HIPK4: variants seen among roughly 807,000 people sequenced by gnomAD.
The protein encoded by HIPK4 is homeodomain-interacting protein kinase 4.
Under a neutral mutation model 44.8 loss-of-function variants are expected in HIPK4, and 26 were observed. The ratio of observed to expected loss-of-function variants is 0.58; its 90% CI spans 0.43 to 0.80. The LOEUF is 0.80. Ranked by LOEUF, HIPK4 falls within the 30% of genes least tolerant of loss-of-function variation. The pLI is 0.00. For missense variants in HIPK4, 729 were observed against 862.6 expected (o/e 0.85, Z 1.94); for synonymous variants, 340 against 355.5 (o/e 0.96, Z 0.49).
At position 40,390,093 on chromosome 19, in the gene HIPK4, T is replaced by C. The variant is rs1280694683; in HGVS notation, c.-191A>G. 6.2e-5 allele frequency: 37 copies of C among 595,878 alleles called. No individual in the cohort carries two copies. Among genetic ancestry groups the C allele is most frequent in the Non-Finnish European group, 1.0e-4 (34 of 335,396 alleles). The allele number at this position is 595,878 out of a possible 1,614,324, so 36.9% of individuals were successfully genotyped here. On this transcript the variant is annotated 5_prime_UTR_variant, in exon 1 of 4. Transcript: ENST00000291823. ...AAACCCCCAGGCCACACTGTCAGTC[T>C]GCCAGGGGCTGCACCCCTCCCCAGA...
Position 40,383,832 on chromosome 19 carries a change from G to A in HIPK4, c.773C>T (p.Ala258Val), listed in dbSNP as rs1171426008. 7 of 1,613,820 alleles carry A rather than the reference G, an allele frequency of 4.3e-6. No individual in the cohort carries two copies. In the South Asian group the frequency reaches 6.6e-5, roughly 15 times the overall value. Reference protein sequence around the residue: ...FFKRNPHPDAANPWQLKSSAD... With the variant: ...FFKRNPHPDAVNPWQLKSSAD... Reference sequence around the variant, plus strand: ...CGAGGACTTGAGCTGCCAGGGGTTGGCAGCGTCAGGGTGGGGGTTGCGCTT... The same window carrying A: ...CGAGGACTTGAGCTGCCAGGGGTTGACAGCGTCAGGGTGGGGGTTGCGCTT... The change falls in exon 2 of 4, where the codon GCC becomes GTC. Residue 258 changes from alanine (A) to valine (V), a missense_variant. By Grantham distance (64) the Ala-to-Val change is moderately conservative. Transcript: ENST00000291823.
At chr19:40,387,394 A>G (rs1185358492) in intron 1 of HIPK4, among the ~76,000 whole-genome samples, 1 of 152,180 alleles carries the variant, frequency 6.6e-6, no homozygotes, top group Non-Finnish European at 1.5e-5. Context: ...CGAATGGCCG[A>G]AAGCCTTTGT....
Position 40,383,931 on chromosome 19 carries a change from C to T in HIPK4, c.674G>A (p.Arg225His), listed in dbSNP as rs767437240. 1.5e-5 allele frequency: 25 copies of T among 1,613,984 alleles called. No homozygotes were observed. The Admixed American group carries it at 2.5e-4, about 16-fold the overall frequency. Residue 225 changes from arginine to histidine, a missense_variant, in exon 2 of 4, where the codon CGC (arginine) becomes CAC (histidine). Physicochemically the swap from Arg to His is conservative, Grantham distance 29. Coordinates refer to ENST00000291823, the MANE Select transcript of HIPK4 (RefSeq NM_144685.5). ...CAGGCCCTGGGTTTCGCAGATGTAG[C>T]GCACCTGGTCGTACTCGTTGTTGCC... The part of the protein sequence containing the change: ...YPGNNEYDQV[R>H]YICETQGLPK...
At position 40,379,518 on chromosome 19, in the gene HIPK4, G is replaced by C. The variant is rs746957468; in HGVS notation, c.*69C>G. The C allele has an allele frequency of 3.9e-6, 5 of 1,293,078 alleles. No homozygotes were observed. The highest frequency in any genetic ancestry group is 5.2e-6 in the Non-Finnish European group (5 of 963,484). The allele number at this position is 1,293,078 out of a possible 1,614,324, so 80.1% of individuals were successfully genotyped here. A position where few individuals can be genotyped will look rare whatever the true frequency, so the allele number is the denominator to read the frequency against. Reference sequence around the variant, plus strand: ...GTTCAGGAGATGGCTCTGAGGAGCAGTTCAGGTTGGGAGGGAATGCCAGCC... The same window carrying C: ...GTTCAGGAGATGGCTCTGAGGAGCACTTCAGGTTGGGAGGGAATGCCAGCC... On this transcript the variant is annotated 3_prime_UTR_variant, in exon 4 of 4. Coordinates refer to ENST00000291823, the MANE Select transcript of HIPK4 (RefSeq NM_144685.5).
At chr19:40,387,381 T>C (rs2079368055) in intron 1 of HIPK4, among the ~76,000 whole-genome samples, 1 of 152,162 alleles carries the variant, frequency 6.6e-6, no homozygotes, top group South Asian at 2.1e-4. Flanking sequence ...GGAACCAACA[T>C]TGCGAATGGC....
In HIPK4 at chr19:40,380,720, C is replaced by T; in HGVS notation, c.1271G>A (p.Arg424Lys). 6.2e-7 allele frequency: 1 copy of T among 1,614,160 alleles called. No individual in the cohort carries two copies. Among genetic ancestry groups the T allele is most frequent in the Non-Finnish European group, 8.5e-7 (1 of 1,179,970 alleles). The change falls in exon 3 of 4, where the codon AGA (arginine) becomes AAA (lysine). Residue 424 changes from arginine to lysine, a missense_variant. By Grantham distance (26) the Arg-to-Lys change is conservative. Around this residue, in one of 2 missense-constraint regions of HIPK4, gnomAD observed 533 missense variants for 567.5 expected, o/e 0.94. Coordinates refer to ENST00000291823, the MANE Select transcript of HIPK4 (RefSeq NM_144685.5). This position sits in a 1 kb window ranked among gnomAD's most constrained non-coding sequence, Gnocchi z 4.2. Reference protein sequence around the residue: ...FREEKAPGMQRAIDQLDDLSL... With the variant: ...FREEKAPGMQKAIDQLDDLSL... ...CAGGTCATCCAGCTGGTCGATGGCT[C>T]TTTGCATACCTGGTGCCTTCTCCTC...
Position 40,380,848 on chromosome 19 carries a change from C to A in HIPK4, c.1143G>T (p.Thr381=). 6.2e-7 allele frequency: 1 copy of A among 1,609,184 alleles called. No homozygotes were observed. Among genetic ancestry groups the A allele is most frequent in the Non-Finnish European group, 8.5e-7 (1 of 1,175,944 alleles). ...LSLQVEGKPP[T]PVVAAEDGTP... is the part of the protein sequence containing the mutation. ...TCCCATCTTCTGCGGCCACGACGGG[C>A]GTGGGGGGCTTCCCCTCCACTTGCA... Residue 381 remains threonine, a synonymous_variant, in exon 3 of 4, where the codon ACG becomes ACT. Transcript: ENST00000291823. The surrounding 1 kb of genome is among the most constrained non-coding windows in gnomAD (Gnocchi z 4.2).
At chr19:40,381,698 GC>G (rs1206556288) in intron 2 of HIPK4, among the ~76,000 whole-genome samples, 1 of 150,516 alleles carries the variant, frequency 6.6e-6, no homozygotes, top group Non-Finnish European at 1.5e-5. Context: ...GGCTCTTGCT[GC>G]ACAGATGGGA....
intron 1 of HIPK4, among the ~76,000 whole-genome samples, chr19:40,387,419 C>T (rs1388291076): frequency 6.6e-6 from 1 of 152,190 alleles, no homozygotes; most frequent in East Asian, 1.9e-4. Flanking sequence ...CCCCATGCCT[C>T]TGGTGGAGCT....
At chr19:40,383,613 G>T (rs1048181868) in intron 2 of HIPK4, among the ~76,000 whole-genome samples, 170 bp downstream of exon 2, 1 of 151,496 alleles carries the variant, frequency 6.6e-6, no homozygotes. Context: ...ATAAAGAGGA[G>T]GTCTCACTAT....
In HIPK4 at chr19:40,389,768, G is replaced by A. The variant is rs536497388; in HGVS notation, c.135C>T (p.Asp45=). ...EMVAIKILKN[D]AYRNRIIKNE... is the part of the protein sequence containing the mutation. ...TCTTGATGATGCGGTTGCGGTAGGC[G>A]TCATTCTTGAGGATCTTGATGGCCA... is the stretch of plus-strand genomic sequence containing the variant. The change falls in exon 1 of 4, where the codon GAC becomes GAT. Residue 45 remains aspartate (D), a synonymous_variant. Coordinates refer to ENST00000291823, the MANE Select transcript of HIPK4 (RefSeq NM_144685.5). This position sits in a 1 kb window ranked among gnomAD's most constrained non-coding sequence, Gnocchi z 4.6. The A allele has an allele frequency of 8.7e-6, 14 of 1,614,180 alleles. No homozygotes were observed. Among genetic ancestry groups the A allele is most frequent in the African/African-American group, 5.3e-5 (4 of 75,054 alleles).
intron 2 of HIPK4, among the ~76,000 whole-genome samples, chr19:40,381,981 T>C (rs765631034): frequency 6.6e-6 from 1 of 151,786 alleles, no homozygotes; most frequent in Admixed American, 6.6e-5. Context: ...AATTTTTGTA[T>C]TTTTAGTAGA....
chr19:40,389,381 A>T lies in HIPK4; in HGVS notation c.465+57T>A. On this transcript the variant is annotated intron_variant, in intron 1 of 3. Transcript: ENST00000291823. The surrounding 1 kb of genome is among the most constrained non-coding windows in gnomAD (Gnocchi z 4.6). ...AAAAAAAAAATCTAGGGCTGGAAGA[A>T]GCTGGGAAAAAGACAAGGAACTAGG... The T allele has an allele frequency of 1.1e-6, 1 of 902,354 alleles. No homozygotes were observed. The highest frequency in any genetic ancestry group is 1.5e-6 in the Non-Finnish European group (1 of 650,854). 55.9% of individuals were successfully genotyped at this position (902,354 alleles called of 1,614,324 possible).
chr19:40,380,803 A>G lies in HIPK4; in HGVS notation c.1188T>C (p.Ala396=). The G allele has an allele frequency of 6.2e-7, 1 of 1,613,844 alleles. No individual in the cohort carries two copies. The highest frequency in any genetic ancestry group is 8.5e-7 in the Non-Finnish European group (1 of 1,179,904). The change falls in exon 3 of 4, where the codon GCT becomes GCC. Residue 396 remains alanine (A), a synonymous_variant. Transcript: ENST00000291823. This position sits in a 1 kb window ranked among gnomAD's most constrained non-coding sequence, Gnocchi z 4.2. ...AEDGTPYYCL[A]EEKEAAGMGS... Reference sequence around the variant, plus strand: ...CCATACCCGCAGCCTCCTTCTCCTCAGCCAGACAGTAGTAGGGGGTCCCAT... The same window carrying G: ...CCATACCCGCAGCCTCCTTCTCCTCGGCCAGACAGTAGTAGGGGGTCCCAT...
chr19:40,387,420 T>TG (rs1301963237), intron 1 of HIPK4, among the ~76,000 whole-genome samples: 1 of 152,194 alleles, frequency 6.6e-6, no homozygotes, highest in East Asian at 1.9e-4. Context: ...CCCATGCCTC[T>TG]GGTGGAGCTG....
At chr19:40,386,322 G>A (rs546272234) in intron 1 of HIPK4, among the ~76,000 whole-genome samples, 1 of 152,272 alleles carries the variant, frequency 6.6e-6, no homozygotes, top group African/African-American at 2.4e-5. Context: ...CTCCCAAAGT[G>A]TTGGGATTAC....
rs1246193819 is a variant in HIPK4 at position 40,389,034 on chromosome 19, TA to T, written c.465+403del. Among the ~76,000 whole-genome samples the T allele has an allele frequency of 1.3e-5, 2 of 151,810 alleles. No homozygotes were observed. Among genetic ancestry groups the T allele is most frequent in the Non-Finnish European group, 2.9e-5 (2 of 67,982 alleles). ...CCATCTCTACTAAAAATACAAAAAT[TA>T]GCCGGGCATGGGTGGCGGGCACCTG... On this transcript the variant is annotated intron_variant, in intron 1 of 3. Coordinates refer to ENST00000291823, the MANE Select transcript of HIPK4 (RefSeq NM_144685.5). This position sits in a 1 kb window ranked among gnomAD's most constrained non-coding sequence, Gnocchi z 4.6.
At position 40,380,130 on chromosome 19, in the gene HIPK4, C is replaced by G. The variant is rs533565839; in HGVS notation, c.1668+193G>C. ...AGTTTTTGTCACAGCCTGGAAGTAG[C>G]TGAGTAAGTGCTGAGCCTTATCATA... On this transcript the variant is annotated intron_variant, in intron 3 of 3. Transcript: ENST00000291823. This position sits in a 1 kb window ranked among gnomAD's most constrained non-coding sequence, Gnocchi z 4.2. Among the ~76,000 whole-genome samples, 2 of 152,238 alleles carry G rather than the reference C, an allele frequency of 1.3e-5. No homozygotes were observed. Among genetic ancestry groups the G allele is most frequent in the East Asian group, 3.9e-4 (2 of 5,180 alleles).
At position 40,390,036 on chromosome 19, in the gene HIPK4, A is replaced by G. The variant is rs2079381849; in HGVS notation, c.-134T>C. 3.0e-6 allele frequency: 2 copies of G among 669,994 alleles called. No individual in the cohort carries two copies. The highest frequency in any genetic ancestry group is 2.7e-5 in the East Asian group (1 of 36,722). 41.5% of individuals were successfully genotyped at this position (669,994 alleles called of 1,614,324 possible). A position where few individuals can be genotyped will look rare whatever the true frequency, so the allele number is the denominator to read the frequency against. On this transcript the variant is annotated 5_prime_UTR_variant, in exon 1 of 4. Transcript: ENST00000291823. Reference sequence around the variant, plus strand: ...GAGAACCGCACTCGTGTCTCCTCCTATGAGGTTGGCCCCTGCTTCCCTGGC... The same window carrying G: ...GAGAACCGCACTCGTGTCTCCTCCTGTGAGGTTGGCCCCTGCTTCCCTGGC...
Sources: gnomAD v4.1 joint callset for allele counts (sites outside exome capture counted in the v4.1 genomes callset) on GRCh38, gnomAD v4.1.1 for gene constraint, gnomAD v4.1.1 regional missense constraint, Gnocchi (gnomAD v3.1) non-coding constraint, MANE v1.5 for transcripts, NCBI Gene and HGNC (gene_info 2026-07-23, HGNC 2026-07-21) for gene names.